BCL2L13: variants seen among roughly 807,000 people sequenced by gnomAD.
The protein encoded by BCL2L13 is BCL2 like 13.
In BCL2L13, 13 loss-of-function variants were observed where a neutral mutation model predicts 25.8. The observed-to-expected ratio is 0.50, with a 90% CI of 0.33 to 0.80. BCL2L13 has a LOEUF of 0.80. Ranked by LOEUF, BCL2L13 falls within the 30% of genes least tolerant of loss-of-function variation. The pLI, the probability that BCL2L13 is intolerant of heterozygous loss-of-function variation, is 0.02. For missense variants in BCL2L13, 504 were observed against 574.9 expected (o/e 0.88, Z 1.26); for synonymous variants, 244 against 230.3 (o/e 1.06, Z -0.54).
At chr22:17,684,395 C>T (rs2059846466) in intron 3 of BCL2L13, among the ~76,000 whole-genome samples, 1 of 152,190 alleles carries the variant, frequency 6.6e-6, no homozygotes, top group African/African-American at 2.4e-5. Flanking sequence ...ATTTAGAACA[C>T]TTTCGGTTCT....
At chr22:17,697,157 G>A (rs2060288857) in intron 5 of BCL2L13, among the ~76,000 whole-genome samples, 1 of 151,664 alleles carries the variant, frequency 6.6e-6, no homozygotes. Flanking sequence ...AAAAAATTTC[G>A]GCCGGGTGCA....
chr22:17,717,453 A>G (rs550876552), intron 6 of BCL2L13, among the ~76,000 whole-genome samples: 13 of 151,616 alleles, frequency 8.6e-5, no homozygotes, highest in Non-Finnish European at 1.6e-4. Flanking sequence ...TTTGTCTCCA[A>G]TGCTATTTCT....
At chr22:17,720,242 C>T (rs2061080763) in intron 6 of BCL2L13, among the ~76,000 whole-genome samples, 1 of 147,828 alleles carries the variant, frequency 6.8e-6, no homozygotes, top group African/African-American at 2.5e-5. Flanking sequence ...GATCATGGCT[C>T]ACTGTAGCCT....
chr22:17,703,200 TATATAC>T (rs1463918419), intron 6 of BCL2L13: 3 of 141,978 alleles, frequency 2.1e-5, no homozygotes, highest in Non-Finnish European at 3.1e-5. Context: ...TATGTATATG[TATATAC>T]ACACATGTAT....
chr22:17,684,684 C>T (rs1411075274), intron 3 of BCL2L13: 2 of 442,904 alleles, frequency 4.5e-6, no homozygotes, highest in Non-Finnish European at 9.0e-6. Context: ...CTGTCTCAGC[C>T]TCCTGAGTAG....
Position 17,638,829 on chromosome 22 carries a change from CG to C in BCL2L13, c.-106del. On this transcript the variant is annotated 5_prime_UTR_variant, in exon 1 of 7. Transcript: ENST00000317582. ...ACTCACCGCCGCTGGGGGACCCTGT[CG>C]GAAGCAACTGCCGCCGCCGCCTCTT... The C allele has an allele frequency of 8.1e-7, 1 of 1,232,084 alleles. No individual in the cohort carries two copies. The highest frequency in any genetic ancestry group is 1.0e-6 in the Non-Finnish European group (1 of 988,336). 76.3% of individuals were successfully genotyped at this position (1,232,084 alleles called of 1,614,324 possible).
rs890631679 is a variant in BCL2L13 at position 17,656,335 on chromosome 22, C to CTTTT, written c.121+533_121+536dup. Among the ~76,000 whole-genome samples, 532 of 57,886 alleles carry CTTTT rather than the reference C, an allele frequency of 9.2e-3. 86 individuals carry two copies. Among genetic ancestry groups the CTTTT allele is most frequent in the East Asian group, 0.042 (48 of 1,138 alleles). The allele number at this position is 57,886 out of a possible 152,430, so 38.0% of individuals were successfully genotyped here. A position where few individuals can be genotyped will look rare whatever the true frequency, so the allele number is the denominator to read the frequency against. On this transcript the variant is annotated intron_variant, in intron 2 of 6. Transcript: ENST00000317582. ...CAAAAGTATTTTTTTTCATTTTATT[C>CTTTT]TTTTTTTTTTTTTTTTTTTTTTTTT...
At chr22:17,691,949 CAA>C (rs2060119902) in intron 4 of BCL2L13, among the ~76,000 whole-genome samples, 1 of 152,106 alleles carries the variant, frequency 6.6e-6, no homozygotes, top group Non-Finnish European at 1.5e-5. Context: ...GGTTATGTAT[CAA>C]AGTCAGGTCT....
rs554757683 is a variant in BCL2L13 at position 17,665,084 on chromosome 22, A to G, written c.121+9252A>G. On this transcript the variant is annotated intron_variant, in intron 2 of 6. Transcript: ENST00000317582. Reference sequence around the variant, plus strand: ...AAAATGGAGTTTTCTTTTCTACTGCATCATCAGACTGCACATTTTTCAAAC... The same window carrying G: ...AAAATGGAGTTTTCTTTTCTACTGCGTCATCAGACTGCACATTTTTCAAAC... Among the ~76,000 whole-genome samples, 49 of 152,336 alleles carry G rather than the reference A, an allele frequency of 3.2e-4. No homozygotes were observed. The East Asian group carries it at 6.6e-3, about 20-fold the overall frequency.
chr22:17,645,786 A>C (rs543819898), intron 1 of BCL2L13, among the ~76,000 whole-genome samples: 1 of 151,620 alleles, frequency 6.6e-6, no homozygotes, highest in Admixed American at 6.6e-5. Context: ...AAGTTAGTCT[A>C]GGTTTCCTTA....
intron 1 of BCL2L13, among the ~76,000 whole-genome samples, chr22:17,653,465 C>A (rs1360715949): frequency 6.7e-6 from 1 of 150,272 alleles, no homozygotes; most frequent in Non-Finnish European, 1.5e-5. Flanking sequence ...GTCTACTCTT[C>A]AGTCTGTCTT....
chr22:17,705,402 A>G (rs1214841597), intron 6 of BCL2L13, among the ~76,000 whole-genome samples: 1 of 149,026 alleles, frequency 6.7e-6, no homozygotes, highest in Non-Finnish European at 1.5e-5. Flanking sequence ...GGTTCACGCC[A>G]TTCTCCTGCC....
rs531504805 is a variant in BCL2L13, at chr22:17,640,913, C to T, written c.-51+2027C>T. On this transcript the variant is annotated intron_variant, in intron 1 of 6. Transcript: ENST00000317582. ...ATATATATATATTTTTTTTTTGAGGCGGAGTGTCGCTCTGTCGCCCAGGCT... is the reference window on the plus strand; with the variant it reads ...ATATATATATATTTTTTTTTTGAGGTGGAGTGTCGCTCTGTCGCCCAGGCT... Among the ~76,000 whole-genome samples the T allele has an allele frequency of 1.3e-3, 189 of 146,418 alleles. 1 individual carries two copies. The highest frequency in any genetic ancestry group is 2.7e-3 in the Admixed American group (39 of 14,572).
Position 17,727,263 on chromosome 22 carries a change from A to T in BCL2L13, c.1187A>T (p.Glu396Val), listed in dbSNP as rs1360195190. 6.2e-7 allele frequency: 1 copy of T among 1,614,242 alleles called. No individual in the cohort carries two copies. The highest frequency in any genetic ancestry group is 8.5e-7 in the Non-Finnish European group (1 of 1,180,050). ...KAATTEPTEV[E>V]EVVPALEPTE... ...GCAACAACTGAACCTACTGAAGTGGAGGAGGTGGTCCCCGCACTGGAACCC... is the reference window on the plus strand; with the variant it reads ...GCAACAACTGAACCTACTGAAGTGGTGGAGGTGGTCCCCGCACTGGAACCC... The change falls in exon 7 of 7, where the codon GAG becomes GTG. Residue 396 changes from glutamate (E) to valine (V), a missense_variant. Transcript: ENST00000317582.
chr22:17,642,335 T>C (rs533082428), intron 1 of BCL2L13, among the ~76,000 whole-genome samples: 2 of 151,892 alleles, frequency 1.3e-5, no homozygotes, highest in South Asian at 4.1e-4. Flanking sequence ...ATTTTTGTAT[T>C]TTTAGTAGAG....
At chr22:17,631,637 G>A in intron 1 of BCL2L13, among the ~76,000 whole-genome samples, 1 of 119,580 alleles carries the variant, frequency 8.4e-6, no homozygotes, top group Non-Finnish European at 1.6e-5. Context: ...CTTTTAGTAG[G>A]AATGGTACGT....
chr22:17,662,331 A>T (rs1335675483), intron 2 of BCL2L13, among the ~76,000 whole-genome samples: 1 of 152,132 alleles, frequency 6.6e-6, no homozygotes, highest in Non-Finnish European at 1.5e-5. Context: ...AACAAAAATT[A>T]GCCAGGCATG....
At chr22:17,631,702 A>ATG (rs2058030861) in intron 1 of BCL2L13, among the ~76,000 whole-genome samples, 1 of 20,044 alleles carries the variant, frequency 5.0e-5, no homozygotes, top group Non-Finnish European at 1.1e-4. Flanking sequence ...ATATATATAT[A>ATG]TATATTTTTT....
chr22:17,631,977 C>T (rs539375055), intron 1 of BCL2L13, among the ~76,000 whole-genome samples: 1 of 151,998 alleles, frequency 6.6e-6, no homozygotes, highest in East Asian at 1.9e-4. Flanking sequence ...GCCTTGGCAT[C>T]CCAAAGTCTT....
Sources: allele counts gnomAD v4.1 joint callset (sites outside exome capture counted in the v4.1 genomes callset), GRCh38; gene constraint gnomAD v4.1.1; transcripts MANE v1.5; gene names NCBI Gene and HGNC (gene_info 2026-07-23, HGNC 2026-07-21).